The following UBXN7 variants were observed in gnomAD, a reference collection of about 807,000 sequenced individuals.
UBXN7 encodes UBX domain protein 7.
Under a neutral mutation model 58.0 loss-of-function variants are expected in UBXN7, and 9 were observed. The ratio of observed to expected loss-of-function variants is 0.16; its 90% CI spans 0.09 to 0.27. The LOEUF (loss-of-function observed/expected upper bound fraction) is 0.27, where lower values mean the gene tolerates loss of function less well. Ranked by LOEUF, UBXN7 falls within the 10% of genes least tolerant of loss-of-function variation. The pLI is 1.00. For synonymous variants in UBXN7, 208 were observed against 205.0 expected, an observed-to-expected ratio of 1.01 and a Z score of -0.12; for missense variants, 328 against 599.6, an observed-to-expected ratio of 0.55 and a Z score of 4.73.
intron 7 of UBXN7, among the ~76,000 whole-genome samples, chr3:196,368,664 G>C (rs1276335807): frequency 1.3e-5 from 2 of 152,120 alleles, no homozygotes; most frequent in Non-Finnish European, 2.9e-5. Context: ...CTTATCTGCT[G>C]CTATCACTTA....
intron 5 of UBXN7, among the ~76,000 whole-genome samples, chr3:196,372,527 A>C (rs1728873898): frequency 6.6e-6 from 1 of 151,782 alleles, no homozygotes; most frequent in African/African-American, 2.4e-5. Flanking sequence ...TTTTTAGTAG[A>C]GATGGGGTAT....
chr3:196,410,200 A>G (rs1730282438), intron 1 of UBXN7, among the ~76,000 whole-genome samples: 2 of 152,042 alleles, frequency 1.3e-5, no homozygotes, highest in African/African-American at 4.8e-5. Flanking sequence ...TTGGCCTCCC[A>G]AAGTGCAGGG....
chr3:196,370,737 T>C (rs1403729767), intron 6 of UBXN7, among the ~76,000 whole-genome samples: 5 of 151,562 alleles, frequency 3.3e-5, no homozygotes, highest in Admixed American at 2.0e-4. Flanking sequence ...AATAAAAAAA[T>C]TGAGCCGGCA....
intron 5 of UBXN7, among the ~76,000 whole-genome samples, chr3:196,383,952 A>G (rs1207948279): frequency 6.6e-6 from 1 of 152,246 alleles, no homozygotes; most frequent in African/African-American, 2.4e-5. Flanking sequence ...CTAAGATCAG[A>G]GCAGAACTGA....
intron 5 of UBXN7, among the ~76,000 whole-genome samples, chr3:196,372,343 C>CTTTTTTTTTTTT (rs894793736): frequency 6.5e-5 from 7 of 107,516 alleles, no homozygotes; most frequent in African/African-American, 1.2e-4. Flanking sequence ...TTCTTTCTTT[C>CTTTTTTTTTTTT]TTTTTTTTTT....
chr3:196,373,281 G>A (rs1373391044), intron 5 of UBXN7, among the ~76,000 whole-genome samples: 1 of 152,194 alleles, frequency 6.6e-6, no homozygotes, highest in East Asian at 1.9e-4. Context: ...GTCAAAGAAT[G>A]TTTGAGAATG....
At chr3:196,425,658 C>T (rs1050601013) in intron 1 of UBXN7, among the ~76,000 whole-genome samples, 12 of 152,100 alleles carry the variant, frequency 7.9e-5, no homozygotes, top group Admixed American at 2.0e-4. Context: ...TCCCATTTAT[C>T]TCTTGAGGTC....
At chr3:196,401,320 C>CACATATAT in intron 3 of UBXN7, among the ~76,000 whole-genome samples, 1 of 72,478 alleles carries the variant, frequency 1.4e-5, no homozygotes, top group South Asian at 4.3e-4. Context: ...CACACACACA[C>CACATATAT]ATATATATAT....
intron 5 of UBXN7, among the ~76,000 whole-genome samples, chr3:196,390,568 C>T (rs1019003202): frequency 4.0e-5 from 6 of 151,860 alleles, no homozygotes; most frequent in Non-Finnish European, 7.4e-5. Flanking sequence ...GGTGAAACCC[C>T]GTCTCTACTA....
In UBXN7 at chr3:196,353,052, G is replaced by A. The variant is rs764651212; in HGVS notation, c.*3633C>T. 8.5e-5 allele frequency: 13 copies of A among 152,118 alleles called. No homozygotes were observed. The highest frequency in any genetic ancestry group is 3.3e-4 in the Admixed American group (5 of 15,274). The allele number at this position is 152,118 out of a possible 1,614,324, so 9.4% of individuals were successfully genotyped here. A position where few individuals can be genotyped will look rare whatever the true frequency, so the allele number is the denominator to read the frequency against. Reference sequence around the variant, plus strand: ...TCAAAATAATGGCATAAATAAAAATGTATAGGCATAGTGCAAATCCCACAA... The same window carrying A: ...TCAAAATAATGGCATAAATAAAAATATATAGGCATAGTGCAAATCCCACAA... On this transcript the variant is annotated 3_prime_UTR_variant, in exon 11 of 11. Coordinates refer to ENST00000296328, the MANE Select transcript of UBXN7 (RefSeq NM_015562.2).
intron 9 of UBXN7, 87 bp from the exon 10 acceptor site, chr3:196,362,010 C>T (rs1728518892): frequency 2.3e-6 from 3 of 1,279,874 alleles, no homozygotes; most frequent in Non-Finnish European, 3.3e-6. Context: ...TAAATAAATA[C>T]AGCCATTCAG....
At chr3:196,386,537 T>C (rs1220551625) in intron 5 of UBXN7, among the ~76,000 whole-genome samples, 2 of 152,072 alleles carry the variant, frequency 1.3e-5, no homozygotes, top group Admixed American at 6.6e-5. Flanking sequence ...ACAAAATCAA[T>C]GTGCAAAAAT....
intron 5 of UBXN7, among the ~76,000 whole-genome samples, chr3:196,377,484 C>T (rs774102144): frequency 3.3e-5 from 5 of 152,150 alleles, no homozygotes; most frequent in Non-Finnish European, 7.3e-5. Context: ...ATATGTGGAA[C>T]CTACGAAATC....
intron 1 of UBXN7, among the ~76,000 whole-genome samples, chr3:196,409,627 C>G (rs1730262361): frequency 6.6e-6 from 1 of 152,124 alleles, no homozygotes; most frequent in Admixed American, 6.6e-5. Context: ...TTTTTCAAGA[C>G]CACATGAGAA....
chr3:196,381,780 T>C (rs1170924996), intron 5 of UBXN7, among the ~76,000 whole-genome samples: 1 of 152,176 alleles, frequency 6.6e-6, no homozygotes, highest in Non-Finnish European at 1.5e-5. Flanking sequence ...ATAAACAGTG[T>C]AGAGAAGAAC....
At position 196,356,484 on chromosome 3, in the gene UBXN7, G is replaced by T; in HGVS notation, c.*201C>A. The T allele has an allele frequency of 1.9e-6, 1 of 535,982 alleles. No individual in the cohort carries two copies. The highest frequency in any genetic ancestry group is 3.5e-5 in the East Asian group (1 of 28,186). The allele number at this position is 535,982 out of a possible 1,614,324, so 33.2% of individuals were successfully genotyped here. On this transcript the variant is annotated 3_prime_UTR_variant, in exon 11 of 11. Transcript: ENST00000296328. Reference sequence around the variant, plus strand: ...GAGGCAGAAGGGTACGGAGTGGGGAGCGAGAAAACAGAAGAGGAGAAAGAA... The same window carrying T: ...GAGGCAGAAGGGTACGGAGTGGGGATCGAGAAAACAGAAGAGGAGAAAGAA...
intron 8 of UBXN7, among the ~76,000 whole-genome samples, chr3:196,365,788 T>C (rs1728647346): frequency 6.6e-6 from 1 of 152,016 alleles, no homozygotes; most frequent in South Asian, 2.1e-4. Flanking sequence ...AAGAAACAGA[T>C]ACCAAGTAGT....
chr3:196,431,767 G>T (rs1731059474), intron 1 of UBXN7: 1 of 448,418 alleles, frequency 2.2e-6, no homozygotes, highest in African/African-American at 2.0e-5. Context: ...GAAGTGTAAA[G>T]GCACGGCCGA....
intron 1 of UBXN7, among the ~76,000 whole-genome samples, chr3:196,421,109 C>T (rs1313760268): frequency 6.6e-6 from 1 of 152,136 alleles, no homozygotes; most frequent in Non-Finnish European, 1.5e-5. Context: ...TTTAAGCTTT[C>T]AAATATCGAA....
Sources: gnomAD v4.1 joint callset for allele counts (sites outside exome capture counted in the v4.1 genomes callset) on GRCh38, gnomAD v4.1.1 for gene constraint, MANE v1.5 for transcripts, NCBI Gene and HGNC (gene_info 2026-07-23, HGNC 2026-07-21) for gene names.